PIP5K1B: variants seen among roughly 807,000 people sequenced by gnomAD.
PIP5K1B encodes the protein phosphatidylinositol 4-phosphate 5-kinase type-1 beta.
PIP5K1B carries 42 observed loss-of-function variants against 67.0 expected under a neutral mutation model. That is an observed-to-expected ratio of 0.63 (90% CI 0.49 to 0.81). The LOEUF (loss-of-function observed/expected upper bound fraction) is 0.81, where lower values mean the gene tolerates loss of function less well. Ranked by LOEUF, PIP5K1B falls within the 30% of genes least tolerant of loss-of-function variation. PIP5K1B has a pLI of 0.00. For synonymous variants in PIP5K1B, 214 were observed against 231.4 expected (o/e 0.92, Z 0.68); for missense variants, 459 against 646.3 (o/e 0.71, Z 3.14).
At chr9:68,903,904 A>C (rs962855638) in intron 8 of PIP5K1B, among the ~76,000 whole-genome samples, 4 of 152,244 alleles carry the variant, frequency 2.6e-5, no homozygotes, top group African/African-American at 9.6e-5. Flanking sequence ...AATACAATAC[A>C]TAATACTTTA....
chr9:68,985,979 A>G (rs1830080000), intron 14 of PIP5K1B, among the ~76,000 whole-genome samples: 1 of 152,160 alleles, frequency 6.6e-6, no homozygotes, highest in Non-Finnish European at 1.5e-5. Context: ...ATTCCATTTT[A>G]TGAATTATTT....
intron 15 of PIP5K1B, among the ~76,000 whole-genome samples, chr9:68,994,333 C>T: frequency 6.6e-6 from 1 of 151,996 alleles, no homozygotes. Context: ...TGAGCCACTG[C>T]ACCTAGCCAA....
intron 14 of PIP5K1B, among the ~76,000 whole-genome samples, chr9:68,956,254 T>G (rs1828385259): frequency 6.6e-6 from 1 of 152,204 alleles, no homozygotes. Context: ...GAGGATCACT[T>G]GAGCCCAGGA....
chr9:68,965,401 A>G (rs1431236340), intron 14 of PIP5K1B, among the ~76,000 whole-genome samples: 3 of 152,200 alleles, frequency 2.0e-5, no homozygotes, highest in Admixed American at 2.0e-4. Flanking sequence ...TGCAAGACCA[A>G]GCCTTTCTGC....
At chr9:68,721,303 G>T (rs1827870473) in intron 1 of PIP5K1B, among the ~76,000 whole-genome samples, 1 of 152,208 alleles carries the variant, frequency 6.6e-6, no homozygotes, top group Admixed American at 6.5e-5. Context: ...AATCACAGAA[G>T]AGATGAAAAG....
At chr9:68,919,153 T>C (rs1826244395) in intron 9 of PIP5K1B, among the ~76,000 whole-genome samples, 1 of 152,206 alleles carries the variant, frequency 6.6e-6, no homozygotes, top group Non-Finnish European at 1.5e-5. Context: ...TATAATGGTC[T>C]AAAAATTCTT....
intron 8 of PIP5K1B, among the ~76,000 whole-genome samples, chr9:68,904,644 T>C (rs2132455357): frequency 6.6e-6 from 1 of 152,252 alleles, no homozygotes; most frequent in East Asian, 1.9e-4. Flanking sequence ...GTTTTTGAAA[T>C]CTTGCAGGGG....
chr9:68,848,343 C>A (rs1822301377), intron 4 of PIP5K1B, among the ~76,000 whole-genome samples: 1 of 152,030 alleles, frequency 6.6e-6, no homozygotes, highest in Admixed American at 6.6e-5. Flanking sequence ...CCTTTCTGGC[C>A]CTACAGTGTA....
intron 1 of PIP5K1B, chr9:68,706,058 C>A (rs564501498): frequency 1.3e-5 from 2 of 152,390 alleles, no homozygotes; most frequent in East Asian, 3.9e-4. Flanking sequence ...GGAGTACTCT[C>A]CCCTTTTCCG....
At chr9:68,850,691 A>T (rs1822437185) in intron 4 of PIP5K1B, among the ~76,000 whole-genome samples, 1 of 152,246 alleles carries the variant, frequency 6.6e-6, no homozygotes, top group African/African-American at 2.4e-5. Context: ...GAAATCAAAC[A>T]TGCTAAGATT....
At chr9:68,728,929 C>G (rs778839739) in intron 1 of PIP5K1B, 4 of 152,128 alleles carry the variant, frequency 2.6e-5, no homozygotes, top group African/African-American at 4.8e-5. Context: ...GGAAGTCAAG[C>G]CTTCTGTAAG....
intron 14 of PIP5K1B, among the ~76,000 whole-genome samples, chr9:68,963,839 G>A (rs1032558531): frequency 5.3e-5 from 8 of 152,200 alleles, no homozygotes; most frequent in African/African-American, 1.9e-4. Context: ...GGGTGGTGGT[G>A]ACTTCAGGTG....
chr9:68,849,436 A>C (rs1822367027), intron 4 of PIP5K1B, among the ~76,000 whole-genome samples: 1 of 152,194 alleles, frequency 6.6e-6, no homozygotes, highest in African/African-American at 2.4e-5. Context: ...GCTGAAGTGC[A>C]GCGGTACGAT....
chr9:68,736,078 G>A (rs1454475680), intron 1 of PIP5K1B, among the ~76,000 whole-genome samples: 4 of 152,196 alleles, frequency 2.6e-5, no homozygotes, highest in Admixed American at 2.6e-4. Flanking sequence ...GCGCATGTGA[G>A]TGGCTGTCGT....
At chr9:68,997,370 C>G (rs977490473) in intron 15 of PIP5K1B, among the ~76,000 whole-genome samples, 2 of 152,212 alleles carry the variant, frequency 1.3e-5, no homozygotes, top group East Asian at 3.9e-4. Context: ...AGCCAGTATC[C>G]GCTGCTTCAA....
chr9:68,983,796 G>A (rs1268817782), intron 14 of PIP5K1B, among the ~76,000 whole-genome samples: 1 of 152,208 alleles, frequency 6.6e-6, no homozygotes, highest in African/African-American at 2.4e-5. Context: ...TCGGCAGGCA[G>A]CCAGACTCTT....
chr9:69,008,381 T>C, intron 15 of PIP5K1B, 66 bp from the exon 16 acceptor site: 2 of 1,469,278 alleles, frequency 1.4e-6, no homozygotes, highest in South Asian at 1.1e-5. Flanking sequence ...ATGTTGCGAC[T>C]CATGGGGAGA....
chr9:68,706,742 G>GA (rs1247647710), intron 1 of PIP5K1B, among the ~76,000 whole-genome samples: 1 of 152,134 alleles, frequency 6.6e-6, no homozygotes, highest in Non-Finnish European at 1.5e-5. Context: ...TAGGACCTCA[G>GA]AATGTGTTAA....
At chr9:68,952,668 T>G (rs1418710933) in intron 14 of PIP5K1B, among the ~76,000 whole-genome samples, 1 of 152,158 alleles carries the variant, frequency 6.6e-6, no homozygotes, top group Non-Finnish European at 1.5e-5. Flanking sequence ...TTGCAAATAT[T>G]TTGGATTTTT....
Sources: gnomAD v4.1 joint callset for allele counts (sites outside exome capture counted in the v4.1 genomes callset) on GRCh38, gnomAD v4.1.1 for gene constraint, MANE v1.5 for transcripts, NCBI Gene and HGNC (gene_info 2026-07-23, HGNC 2026-07-21) for gene names.